The following BFAR variants were observed in gnomAD, a reference collection of about 807,000 sequenced individuals.
BFAR encodes RING finger protein 47.
In BFAR, 52 loss-of-function variants were observed where a neutral mutation model predicts 54.4. The ratio of observed to expected loss-of-function variants is 0.96; its 90% CI spans 0.77 to 1.21. The LOEUF (loss-of-function observed/expected upper bound fraction) is 1.21, where lower values mean the gene tolerates loss of function less well. BFAR is among the 50% of genes most tolerant of loss of function. BFAR has a pLI of 0.00. For synonymous variants in BFAR, 215 were observed against 204.3 expected (o/e 1.05, Z -0.45); for missense variants, 571 against 534.0 (o/e 1.07, Z -0.68).
chr16:14,652,301 A>G (rs959227687), intron 4 of BFAR, among the ~76,000 whole-genome samples: 5 of 150,032 alleles, frequency 3.3e-5, no homozygotes, highest in Non-Finnish European at 7.4e-5. Context: ...TTTTTTTGAG[A>G]TGGAGTCTTA....
At chr16:14,639,135 C>G (rs1346893087) in intron 1 of BFAR, among the ~76,000 whole-genome samples, 1 of 152,012 alleles carries the variant, frequency 6.6e-6, no homozygotes, top group East Asian at 1.9e-4. Flanking sequence ...TTCAAATTCA[C>G]CAACTCAGAA....
rs750163561 is a variant in BFAR at position 14,650,007 on chromosome 16, AT to A, written c.638+38del. ...CAAAGTCTTCTGACACACCGTGGAC[AT>A]TTTAGAAAACAGCTTTCTTGAGATA... On this transcript the variant is annotated intron_variant, in intron 4 of 7. Transcript: ENST00000261658. 6 of 1,562,364 alleles carry A rather than the reference AT, an allele frequency of 3.8e-6. No individual in the cohort carries two copies. In the South Asian group the frequency reaches 7.1e-5, roughly 18 times the overall value.
chr16:14,645,340 C>A (rs747294432), intron 2 of BFAR, among the ~76,000 whole-genome samples: 17 of 151,836 alleles, frequency 1.1e-4, no homozygotes, highest in South Asian at 4.2e-4. Flanking sequence ...AGAAAGAAAG[C>A]AAATGGTATA....
Position 14,664,390 on chromosome 16 carries a change from C to CAA in BFAR, c.958-460_958-459dup, listed in dbSNP as rs753783830. Among the ~76,000 whole-genome samples, 419 of 57,868 alleles carry CAA rather than the reference C, an allele frequency of 7.2e-3. 5 individuals are homozygous for CAA. Among genetic ancestry groups the CAA allele is most frequent in the African/African-American group, 0.01 (172 of 16,940 alleles). The allele number at this position is 57,868 out of a possible 152,430, so 38.0% of individuals were successfully genotyped here. ...TGGGTAACAGATCAAGACTCCGTCT[C>CAA]AAAAAAAAAAAAAAAAAAAACAATT... On this transcript the variant is annotated intron_variant, in intron 6 of 7. Transcript: ENST00000261658.
intron 1 of BFAR, among the ~76,000 whole-genome samples, chr16:14,640,082 G>T (rs1959574356): frequency 6.6e-6 from 1 of 151,488 alleles, no homozygotes; most frequent in Non-Finnish European, 1.5e-5. Context: ...GCCTGGGGAG[G>T]TCGAGGCTAC....
intron 1 of BFAR, 45 bp from the exon 2 acceptor site, chr16:14,644,225 TCAAA>T: frequency 9.5e-7 from 1 of 1,053,880 alleles, no homozygotes; most frequent in East Asian, 2.4e-5. Flanking sequence ...TAACTGCTCT[TCAAA>T]CAACTACTAT....
intron 5 of BFAR, among the ~76,000 whole-genome samples, chr16:14,659,197 C>G (rs1960214475): frequency 6.6e-6 from 1 of 151,982 alleles, no homozygotes; most frequent in African/African-American, 2.4e-5. Context: ...GCGTGAGCCA[C>G]CATGCCCAGC....
chr16:14,667,107 G>T (rs112720292), intron 7 of BFAR, among the ~76,000 whole-genome samples: 16 of 152,104 alleles, frequency 1.1e-4, no homozygotes, highest in Admixed American at 4.6e-4. Context: ...GGAGGTTGAG[G>T]TGGAGGATCA....
intron 2 of BFAR, among the ~76,000 whole-genome samples, chr16:14,647,861 T>C (rs942730688): frequency 2.0e-5 from 3 of 152,228 alleles, no homozygotes; most frequent in Non-Finnish European, 4.4e-5. Flanking sequence ...ATTGTATGAA[T>C]ATACCATATT....
chr16:14,648,989 C>A (rs1419861353), intron 3 of BFAR, among the ~76,000 whole-genome samples: 1 of 150,220 alleles, frequency 6.7e-6, no homozygotes, highest in East Asian at 2.0e-4. Context: ...GTGATGATGA[C>A]ACATATTTGT....
intron 6 of BFAR, among the ~76,000 whole-genome samples, chr16:14,664,663 C>T (rs1960388612): frequency 6.6e-6 from 1 of 152,032 alleles, no homozygotes; most frequent in Non-Finnish European, 1.5e-5. Flanking sequence ...CCACGTCTGG[C>T]CAATTTTTGA....
chr16:14,653,693 C>T (rs1960040342), intron 4 of BFAR, among the ~76,000 whole-genome samples: 1 of 152,016 alleles, frequency 6.6e-6, no homozygotes, highest in Non-Finnish European at 1.5e-5. Context: ...AAATTAAATC[C>T]CTACCTTAAA....
chr16:14,649,934 T>C lies in BFAR; in HGVS notation c.599T>C (p.Leu200Pro). 1 of 1,613,074 alleles carries C rather than the reference T, an allele frequency of 6.2e-7. No individual in the cohort carries two copies. The highest frequency in any genetic ancestry group is 2.2e-5 in the East Asian group (1 of 44,832). ...WLEQLGPWAS[L>P]YRERFLSERV... The stretch of plus-strand genomic sequence containing the variant: ...GAGCAGCTGGGCCCTTGGGCATCTC[T>C]TTACAGGGAAAGGTTTTTATCTGAA... The change falls in exon 4 of 8, where the codon CTT (leucine) becomes CCT (proline). Residue 200 changes from leucine to proline, a missense_variant. Coordinates refer to ENST00000261658, the MANE Select transcript of BFAR (RefSeq NM_016561.3).
chr16:14,646,949 A>G (rs1959814903), intron 2 of BFAR, among the ~76,000 whole-genome samples: 1 of 151,268 alleles, frequency 6.6e-6, no homozygotes. Flanking sequence ...ACTTTTTTTT[A>G]ACTTTTTAGT....
intron 5 of BFAR, among the ~76,000 whole-genome samples, chr16:14,658,237 T>A (rs1404554115): frequency 1.3e-5 from 2 of 152,136 alleles, no homozygotes; most frequent in Non-Finnish European, 2.9e-5. Flanking sequence ...CTGATTTACA[T>A]AGGGCTCACA....
chr16:14,633,524 T>TTAAAG (rs1959330449), intron 1 of BFAR: 1 of 152,248 alleles, frequency 6.6e-6, no homozygotes, highest in Non-Finnish European at 1.5e-5. Context: ...TGCCCATTCT[T>TTAAAG]TAAAGTAGGG....
At chr16:14,633,167 G>C (rs1319375455) in intron 1 of BFAR, 149 bp downstream of exon 1, 1 of 152,372 alleles carries the variant, frequency 6.6e-6, no homozygotes, top group African/African-American at 2.4e-5. Context: ...ACGCAGGCCC[G>C]AGTCCTGAGC....
Position 14,657,729 on chromosome 16 carries a change from G to A in BFAR, c.783+2519G>A, listed in dbSNP as rs141962964. ...AGCTAATTTTGTATTTTTAGTAGAGGCGGAGTTTTGCCATATTGGCCAGGC... is the reference window on the plus strand; with the variant it reads ...AGCTAATTTTGTATTTTTAGTAGAGACGGAGTTTTGCCATATTGGCCAGGC... On this transcript the variant is annotated intron_variant, in intron 5 of 7. Transcript: ENST00000261658. Among the ~76,000 whole-genome samples, 152 of 151,778 alleles carry A rather than the reference G, an allele frequency of 1.0e-3. 1 individual carries two copies. The highest frequency in any genetic ancestry group is 3.4e-3 in the African/African-American group (139 of 41,350).
chr16:14,639,823 T>G (rs1464912455), intron 1 of BFAR, among the ~76,000 whole-genome samples: 1 of 152,180 alleles, frequency 6.6e-6, no homozygotes, highest in East Asian at 1.9e-4. Flanking sequence ...CTGTCAGTTG[T>G]GCCAACAATG....
Sources: allele counts gnomAD v4.1 joint callset (sites outside exome capture counted in the v4.1 genomes callset), GRCh38; gene constraint gnomAD v4.1.1; transcripts MANE v1.5; gene names NCBI Gene and HGNC (gene_info 2026-07-23, HGNC 2026-07-21).